Variants in CREB5 observed in about 807,000 individuals in gnomAD.
CREB5 encodes the protein cAMP responsive element binding protein 5, also known as cyclic AMP-responsive element-binding protein 5.
In CREB5, 19 loss-of-function variants were observed where a neutral mutation model predicts 57.1. The ratio of observed to expected loss-of-function variants is 0.33; its 90% CI spans 0.23 to 0.49. CREB5 has a LOEUF of 0.49. Ranked by LOEUF, CREB5 falls within the 20% of genes least tolerant of loss-of-function variation. The probability of loss-of-function intolerance (pLI) is 0.99; values close to 1 mark genes in which losing one functional copy is unlikely to be tolerated. For missense variants in CREB5, 579 were observed against 671.6 expected, an observed-to-expected ratio of 0.86 and a Z score of 1.52; for synonymous variants, 238 against 238.3, an observed-to-expected ratio of 1.00 and a Z score of 0.01.
At chr7:28,398,668 T>G (rs1338368110) in intron 1 of CREB5, among the ~76,000 whole-genome samples, 2 of 152,142 alleles carry the variant, frequency 1.3e-5, no homozygotes, top group African/African-American at 4.8e-5. Flanking sequence ...GAAATTAAAG[T>G]AAATTTATGC....
At chr7:28,670,015 G>A (rs374547187) in intron 5 of CREB5, among the ~76,000 whole-genome samples, 5 of 152,276 alleles carry the variant, frequency 3.3e-5, no homozygotes, top group East Asian at 1.9e-4. Context: ...TGCCACATGC[G>A]AGAGAAAGTA....
At chr7:28,485,505 C>CA (rs1219795822) in intron 1 of CREB5, among the ~76,000 whole-genome samples, 1 of 151,614 alleles carries the variant, frequency 6.6e-6, no homozygotes, top group Non-Finnish European at 1.5e-5. Flanking sequence ...AACACTTTCC[C>CA]AAAAAAACCC....
intron 7 of CREB5, among the ~76,000 whole-genome samples, chr7:28,736,305 G>A (rs1803975180): frequency 6.6e-6 from 1 of 152,182 alleles, no homozygotes; most frequent in African/African-American, 2.4e-5. Context: ...GAGTAGCTGG[G>A]ATTACAGGCA....
chr7:28,637,902 G>A (rs1334297333), intron 5 of CREB5, among the ~76,000 whole-genome samples: 1 of 152,106 alleles, frequency 6.6e-6, no homozygotes, highest in African/African-American at 2.4e-5. Context: ...TATTAGACTA[G>A]GTATGGAAAT....
chr7:28,459,745 G>A (rs177584), intron 1 of CREB5, among the ~76,000 whole-genome samples: 33,745 of 152,130 alleles, frequency 0.22, 4,136 homozygotes, highest in African/African-American at 0.34. Context: ...TGCTGGCCTC[G>A]TCTTTGACTG....
At chr7:28,471,015 T>C (rs905253124) in intron 1 of CREB5, among the ~76,000 whole-genome samples, 14 of 152,302 alleles carry the variant, frequency 9.2e-5, no homozygotes, top group African/African-American at 3.4e-4. Flanking sequence ...TATTTTCTCC[T>C]ATCCTTGGAT....
chr7:28,789,434 G>C (rs1807534634), intron 7 of CREB5, among the ~76,000 whole-genome samples: 1 of 152,114 alleles, frequency 6.6e-6, no homozygotes, highest in Non-Finnish European at 1.5e-5. Flanking sequence ...CCTCACTGGG[G>C]ATGTCTTAGT....
rs186383570 is a variant in CREB5, at chr7:28,634,957, A to G, written c.464+64420A>G. On this transcript the variant is annotated intron_variant, in intron 5 of 10. Coordinates refer to ENST00000357727, the MANE Select transcript of CREB5 (RefSeq NM_182898.4). Reference sequence around the variant, plus strand: ...TAACGAAAAAATCCCAACAACACACAAAAGACATTTATTATTCTCATATTA... The same window carrying G: ...TAACGAAAAAATCCCAACAACACACGAAAGACATTTATTATTCTCATATTA... Among the ~76,000 whole-genome samples, 273 of 152,366 alleles carry G rather than the reference A, an allele frequency of 1.8e-3. 1 individual carries two copies. The highest frequency in any genetic ancestry group is 2.9e-3 in the Non-Finnish European group (200 of 68,042).
chr7:28,800,619 G>A (rs1808306076), intron 7 of CREB5, among the ~76,000 whole-genome samples: 1 of 152,228 alleles, frequency 6.6e-6, no homozygotes, highest in Non-Finnish European at 1.5e-5. Context: ...CAAGGGAGAT[G>A]AAGATGCTGA....
In CREB5 at chr7:28,712,524, T is replaced by TTTTTTATTATTATTATTATTATTA. The variant is rs1554289900; in HGVS notation, c.465-6227_465-6226insTTTATTATTATTATTATTATTATT. Among the ~76,000 whole-genome samples the TTTTTTATTATTATTATTATTATTA allele has an allele frequency of 1.2e-3, 166 of 135,356 alleles. 1 individual carries two copies. The highest frequency in any genetic ancestry group is 2.3e-3 in the African/African-American group (82 of 34,988). 88.8% of individuals were successfully genotyped at this position (135,356 alleles called of 152,430 possible). A position where few individuals can be genotyped will look rare whatever the true frequency, so the allele number is the denominator to read the frequency against. ...ACTCCTCAAAAAAAAAAAAAGAGAA[T>TTTTTTATTATTATTATTATTATTA]TTATTATTATTATTATTATTATTTT... On this transcript the variant is annotated intron_variant, in intron 5 of 10. Coordinates refer to ENST00000357727, the MANE Select transcript of CREB5 (RefSeq NM_182898.4).
At chr7:28,569,594 A>G (rs1795616596) in intron 4 of CREB5, among the ~76,000 whole-genome samples, 1 of 152,212 alleles carries the variant, frequency 6.6e-6, no homozygotes, top group Admixed American at 6.5e-5. Flanking sequence ...CTATTAATAT[A>G]CATCTGTGGA....
rs182124086 is a variant in CREB5, at chr7:28,538,685, G to T, written c.291+30948G>T. ...TGTAACTTCTTAAGATGGATACTTC[G>T]ATCATTGATTTTCAGCCACTTTTCC... On this transcript the variant is annotated intron_variant, in intron 4 of 10. Coordinates refer to ENST00000357727, the MANE Select transcript of CREB5 (RefSeq NM_182898.4). Among the ~76,000 whole-genome samples, 41 of 152,048 alleles carry T rather than the reference G, an allele frequency of 2.7e-4. 2 individuals carry two copies. Among genetic ancestry groups the T allele is most frequent in the African/African-American group, 8.4e-4 (35 of 41,484 alleles).
At chr7:28,409,996 G>A (rs751028038), upstream of CREB5, 2 of 454,172 alleles carry the variant, frequency 4.4e-6, no homozygotes, top group South Asian at 3.1e-5. This position sits in a 1 kb window ranked among gnomAD's most constrained non-coding sequence, Gnocchi z 4.4. Context: ...CCAGCGTGGC[G>A]GCGGAACCCC....
At chr7:28,797,386 C>A (rs1279215945) in intron 7 of CREB5, among the ~76,000 whole-genome samples, 1 of 152,134 alleles carries the variant, frequency 6.6e-6, no homozygotes, top group Non-Finnish European at 1.5e-5. Flanking sequence ...TAATTATATC[C>A]TTTCTAATAT....
At chr7:28,389,581 G>A (rs1787174773) in intron 1 of CREB5, among the ~76,000 whole-genome samples, 1 of 150,992 alleles carries the variant, frequency 6.6e-6, no homozygotes, top group Admixed American at 6.6e-5. Flanking sequence ...ACCAGTTGTG[G>A]GTTTAAAACT....
At chr7:28,627,149 T>G (rs902040134) in intron 5 of CREB5, among the ~76,000 whole-genome samples, 2 of 151,516 alleles carry the variant, frequency 1.3e-5, no homozygotes, top group Admixed American at 6.6e-5. Context: ...CATATAATCT[T>G]TTTTTTCCCT....
intron 1 of CREB5, among the ~76,000 whole-genome samples, chr7:28,322,630 T>C (rs1176365997): frequency 6.6e-6 from 1 of 150,660 alleles, no homozygotes; most frequent in Non-Finnish European, 1.5e-5. Context: ...TGGTGTATGA[T>C]GTTCCCCTCC....
intron 7 of CREB5, among the ~76,000 whole-genome samples, chr7:28,789,429 C>G (rs551440028): frequency 6.6e-6 from 1 of 152,340 alleles, no homozygotes; most frequent in Admixed American, 6.5e-5. Flanking sequence ...CCCATCCTCA[C>G]TGGGGATGTC....
rs1042377168 is a variant in CREB5, at chr7:28,523,752, G to A, written c.291+16015G>A. On this transcript the variant is annotated intron_variant, in intron 4 of 10. Coordinates refer to ENST00000357727, the MANE Select transcript of CREB5 (RefSeq NM_182898.4). ...AGGTCTTCTTCCCTCATCTTTGACCGAATCTAATCCACGCATGAAAGCTCA... is the reference window on the plus strand; with the variant it reads ...AGGTCTTCTTCCCTCATCTTTGACCAAATCTAATCCACGCATGAAAGCTCA... 5.9e-5 allele frequency among the ~76,000 whole-genome samples: 9 copies of A among 152,274 alleles called. No individual in the cohort carries two copies. In the East Asian group the frequency reaches 7.7e-4, roughly 13 times the overall value.
Sources: gnomAD v4.1 joint callset for allele counts (sites outside exome capture counted in the v4.1 genomes callset) on GRCh38, gnomAD v4.1.1 for gene constraint, Gnocchi (gnomAD v3.1) non-coding constraint, MANE v1.5 for transcripts, NCBI Gene and HGNC (gene_info 2026-07-23, HGNC 2026-07-21) for gene names.